The following KDM4B variants were observed in gnomAD, a reference collection of about 807,000 sequenced individuals.
The protein encoded by KDM4B is lysine demethylase 4B, also known as lysine-specific demethylase 4B.
In KDM4B, 32 loss-of-function variants were observed where a neutral mutation model predicts 125.2. That is an observed-to-expected ratio of 0.26 (90% CI 0.19 to 0.34). The LOEUF is 0.34. Among genes scored for constraint, KDM4B ranks in the 10% least tolerant of loss-of-function variants. KDM4B has a pLI of 1.00. For missense variants in KDM4B, 1,190 were observed against 1,577.7 expected (o/e 0.75, Z 4.16); for synonymous variants, 721 against 677.9 (o/e 1.06, Z -0.99).
chr19:5,061,070 G>T (rs1163357304), intron 6 of KDM4B, among the ~76,000 whole-genome samples: 4 of 152,206 alleles, frequency 2.6e-5, no homozygotes, highest in Non-Finnish European at 4.4e-5. Context: ...CCCAGCCCCG[G>T]TTCCGGAGGG....
At chr19:5,002,854 G>A (rs2035435149) in intron 1 of KDM4B, among the ~76,000 whole-genome samples, 1 of 152,054 alleles carries the variant, frequency 6.6e-6, no homozygotes, top group Non-Finnish European at 1.5e-5. Context: ...AGGAGGCTGA[G>A]GTGGGAGGAT....
At chr19:4,992,418 C>T (rs1050475171) in intron 1 of KDM4B, among the ~76,000 whole-genome samples, 6 of 152,024 alleles carry the variant, frequency 3.9e-5, no homozygotes, top group Non-Finnish European at 7.4e-5. Context: ...TTATAAATTT[C>T]CCTCTAAGTA....
At chr19:5,070,848 GC>G in intron 6 of KDM4B, 161 bp from the exon 7 acceptor site, 1 of 595,650 alleles carries the variant, frequency 1.7e-6, no homozygotes, top group Non-Finnish European at 2.9e-6. Context: ...CGTCCTGAAA[GC>G]CCCCACCCCC....
chr19:4,988,656 TAGAA>T (rs1261179578), intron 1 of KDM4B, among the ~76,000 whole-genome samples: 2 of 152,124 alleles, frequency 1.3e-5, no homozygotes, highest in Admixed American at 6.5e-5. Flanking sequence ...ACCAGCTTAT[TAGAA>T]AGGATTTTAC....
chr19:5,065,496 GAA>G (rs2037739354), intron 6 of KDM4B, among the ~76,000 whole-genome samples: 1 of 152,246 alleles, frequency 6.6e-6, no homozygotes, highest in African/African-American at 2.4e-5. Flanking sequence ...TAGAGCGATA[GAA>G]AATAGCACAT....
chr19:5,032,577 C>T (rs1358603673), intron 2 of KDM4B, among the ~76,000 whole-genome samples: 11 of 152,352 alleles, frequency 7.2e-5, no homozygotes, highest in Admixed American at 5.9e-4. Flanking sequence ...CCTTTCTCTC[C>T]GAGGCCCCGC....
chr19:5,010,200 A>G (rs1398750759), intron 1 of KDM4B, among the ~76,000 whole-genome samples: 2 of 152,212 alleles, frequency 1.3e-5, no homozygotes, highest in African/African-American at 4.8e-5. Flanking sequence ...TCCAAAGAGC[A>G]CCAGGCAGAT....
chr19:4,972,971 T>C (rs389354), intron 1 of KDM4B, among the ~76,000 whole-genome samples: 57,540 of 151,996 alleles, frequency 0.38, 11,483 homozygotes, highest in East Asian at 0.73. Context: ...GGGCTGCTCT[T>C]TGGCCTCTGA....
rs1197576163 is a variant in KDM4B at position 4,971,668 on chromosome 19, C to T, written c.-109+2438C>T. ...AGAGTGTAGTGGGGGAAAGGGTGAGCTGGCTGCCCAGGGCCTGGTCACAGC... is the reference window on the plus strand; with the variant it reads ...AGAGTGTAGTGGGGGAAAGGGTGAGTTGGCTGCCCAGGGCCTGGTCACAGC... On this transcript the variant is annotated intron_variant, in intron 1 of 22. Transcript: ENST00000159111. This position sits in a 1 kb window ranked among gnomAD's most constrained non-coding sequence, Gnocchi z 4.1. Among the ~76,000 whole-genome samples, 2 of 152,132 alleles carry T rather than the reference C, an allele frequency of 1.3e-5. No individual in the cohort carries two copies. Among genetic ancestry groups the T allele is most frequent in the Non-Finnish European group, 2.9e-5 (2 of 68,030 alleles).
intron 9 of KDM4B, among the ~76,000 whole-genome samples, chr19:5,109,122 G>T (rs1296377997): frequency 1.3e-5 from 2 of 152,220 alleles, no homozygotes; most frequent in African/African-American, 4.8e-5. Flanking sequence ...TTAGAGGCAC[G>T]GTGCAGAGTT....
At chr19:5,125,642 C>G (rs2146036899) in intron 11 of KDM4B, among the ~76,000 whole-genome samples, 1 of 152,308 alleles carries the variant, frequency 6.6e-6, no homozygotes, top group South Asian at 2.1e-4. Flanking sequence ...ATCTCTGAGG[C>G]CTGTGGCTTC....
chr19:4,991,987 A>C (rs1385689458), intron 1 of KDM4B, among the ~76,000 whole-genome samples: 1 of 152,120 alleles, frequency 6.6e-6, no homozygotes, highest in African/African-American at 2.4e-5. Context: ...TATTTCTGTG[A>C]GACGGGTGGC....
At chr19:4,972,544 A>C (rs958971642) in intron 1 of KDM4B, among the ~76,000 whole-genome samples, 14 of 152,100 alleles carry the variant, frequency 9.2e-5, no homozygotes, top group African/African-American at 3.4e-4. Context: ...AGTGTGAACA[A>C]TATCCCTGAC....
At chr19:5,138,960 T>C (rs1206100790) in intron 18 of KDM4B, among the ~76,000 whole-genome samples, 1 of 152,196 alleles carries the variant, frequency 6.6e-6, no homozygotes, top group Admixed American at 6.5e-5. Flanking sequence ...TCTCACTCTG[T>C]TACCCAGGCT....
chr19:5,118,765 C>T (rs1485426169), intron 10 of KDM4B, among the ~76,000 whole-genome samples: 2 of 152,236 alleles, frequency 1.3e-5, no homozygotes, highest in Non-Finnish European at 2.9e-5. Flanking sequence ...TCAGCCAAGC[C>T]TGTAAGCCTC....
At chr19:5,038,478 C>T (rs1019800468) in intron 3 of KDM4B, among the ~76,000 whole-genome samples, 8 of 152,230 alleles carry the variant, frequency 5.3e-5, no homozygotes, top group African/African-American at 1.9e-4. Flanking sequence ...TGGGACCAGC[C>T]TTGTCTCGGT....
intron 11 of KDM4B, among the ~76,000 whole-genome samples, chr19:5,127,950 G>A (rs2039476813): frequency 1.0e-5 from 1 of 97,424 alleles, no homozygotes; most frequent in Non-Finnish European, 2.1e-5. Context: ...GCAGGCACCT[G>A]TGGTCTCGTG....
intron 11 of KDM4B, among the ~76,000 whole-genome samples, chr19:5,126,253 C>T (rs2039447289): frequency 6.6e-6 from 1 of 152,148 alleles, no homozygotes; most frequent in Admixed American, 6.5e-5. Context: ...GCTGGTGTCC[C>T]CTATCCCATT....
At chr19:5,039,590 G>C (rs561065507) in intron 3 of KDM4B, among the ~76,000 whole-genome samples, 1 of 152,358 alleles carries the variant, frequency 6.6e-6, no homozygotes, top group African/African-American at 2.4e-5. Flanking sequence ...GGTGCTGGGG[G>C]GGTGCTGTAC....
Sources: allele counts gnomAD v4.1 joint callset (sites outside exome capture counted in the v4.1 genomes callset), GRCh38; gene constraint gnomAD v4.1.1; non-coding constraint Gnocchi (gnomAD v3.1); transcripts MANE v1.5; gene names NCBI Gene and HGNC (gene_info 2026-07-23, HGNC 2026-07-21).